Variants in FREM2 observed in about 807,000 individuals in gnomAD.
FREM2 encodes the protein FRAS1 related extracellular matrix 2.
Under a neutral mutation model 219.9 loss-of-function variants are expected in FREM2, and 119 were observed. The ratio of observed to expected loss-of-function variants is 0.54; its 90% CI spans 0.47 to 0.63. The LOEUF (loss-of-function observed/expected upper bound fraction) is 0.63. FREM2 is among the 30% of genes least tolerant of loss of function. The probability of loss-of-function intolerance (pLI) is 0.00; values close to 1 mark genes in which losing one functional copy is unlikely to be tolerated. For synonymous variants in FREM2, 1,562 were observed against 1,522.8 expected (o/e 1.03, Z -0.60); for missense variants, 4,030 against 3,993.6 (o/e 1.01, Z -0.25).
chr13:38,729,456 T>C (rs1693088735), intron 2 of FREM2, among the ~76,000 whole-genome samples: 2 of 152,216 alleles, frequency 1.3e-5, no homozygotes, highest in South Asian at 2.1e-4. Flanking sequence ...ATTATTGCAA[T>C]ATCATTAAGA....
At chr13:38,808,766 G>C (rs1051857678) in intron 6 of FREM2, among the ~76,000 whole-genome samples, 1 of 151,856 alleles carries the variant, frequency 6.6e-6, no homozygotes, top group Non-Finnish European at 1.5e-5. Context: ...ATAATAATAA[G>C]TTTGAAATAT....
At chr13:38,804,472 A>G (rs771271474) in intron 6 of FREM2, among the ~76,000 whole-genome samples, 1 of 152,114 alleles carries the variant, frequency 6.6e-6, no homozygotes, top group Non-Finnish European at 1.5e-5. Flanking sequence ...TTTGCTCTGC[A>G]CATACTAAAT....
chr13:38,875,652 A>G (rs563151825), intron 18 of FREM2, among the ~76,000 whole-genome samples: 179 of 152,368 alleles, frequency 1.2e-3, no homozygotes, highest in Middle Eastern at 3.4e-3. Context: ...TCGTAACTTC[A>G]GTGCACAATA....
intron 3 of FREM2, among the ~76,000 whole-genome samples, chr13:38,767,096 A>C (rs148988457): frequency 4.6e-5 from 7 of 152,326 alleles, no homozygotes; most frequent in Admixed American, 4.6e-4. Flanking sequence ...GATTGGGCAA[A>C]AGGCCCATGC....
rs543243954 is a variant in FREM2 at position 38,709,186 on chromosome 13, C to T, written c.5263+11399C>T. 4.9e-4 allele frequency among the ~76,000 whole-genome samples: 75 copies of T among 152,294 alleles called. 1 individual carries two copies. The South Asian group carries it at 0.015, about 29-fold the overall frequency. Reference sequence around the variant, plus strand: ...CATGCCATGCTACTTCATGCACACTCGCCTTTCCTTTCTTCCTCAATCCCC... The same window carrying T: ...CATGCCATGCTACTTCATGCACACTTGCCTTTCCTTTCTTCCTCAATCCCC... On this transcript the variant is annotated intron_variant, in intron 2 of 23. Transcript: ENST00000280481.
In FREM2 at chr13:38,851,864, A is replaced by G. The variant is rs1877384271; in HGVS notation, c.6921A>G (p.Ser2307=). 1 of 1,613,652 alleles carries G rather than the reference A, an allele frequency of 6.2e-7. No individual in the cohort carries two copies. The highest frequency in any genetic ancestry group is 2.2e-5 in the East Asian group (1 of 44,844). ...ATSGEDYHPV[S]EEIEFKEGET... is the part of the protein sequence containing the mutation. ...CTGGAGAAGACTACCACCCTGTGTCAGAAGGTATGGGGCTCCCAGGGCCTG... is the reference window on the plus strand; with the variant it reads ...CTGGAGAAGACTACCACCCTGTGTCGGAAGGTATGGGGCTCCCAGGGCCTG... Residue 2307 remains serine, a synonymous_variant, in exon 11 of 24, where the codon TCA becomes TCG. Coordinates refer to ENST00000280481, the MANE Select transcript of FREM2 (RefSeq NM_207361.6).
At chr13:38,741,846 A>G (rs1175181948) in intron 2 of FREM2, among the ~76,000 whole-genome samples, 1 of 152,160 alleles carries the variant, frequency 6.6e-6, no homozygotes, top group Non-Finnish European at 1.5e-5. Context: ...CCAAAGTCTA[A>G]GTGTGTAAAT....
At chr13:38,870,438 T>C (rs1393997823) in intron 16 of FREM2, among the ~76,000 whole-genome samples, 1 of 152,230 alleles carries the variant, frequency 6.6e-6, no homozygotes, top group Non-Finnish European at 1.5e-5. Context: ...TGTCTCGGTT[T>C]CTTTAAGATT....
Position 38,692,019 on chromosome 13 carries a change from G to C in FREM2, c.4675G>C (p.Glu1559Gln). 1 of 1,614,220 alleles carries C rather than the reference G, an allele frequency of 6.2e-7. No homozygotes were observed. The highest frequency in any genetic ancestry group is 1.1e-5 in the South Asian group (1 of 91,088). The change falls in exon 1 of 24, where the codon GAA becomes CAA. Residue 1559 changes from glutamate (E) to glutamine (Q), a missense_variant. Glu to Gln is a conservative substitution (Grantham distance 29). Transcript: ENST00000280481. ...KLITPFELTV[E>Q]DRDTPDKLLK... Reference sequence around the variant, plus strand: ...GATTACTCCTTTTGAGCTCACTGTCGAAGACAGAGATACTCCTGACAAGCT... The same window carrying C: ...GATTACTCCTTTTGAGCTCACTGTCCAAGACAGAGATACTCCTGACAAGCT...
intron 2 of FREM2, among the ~76,000 whole-genome samples, chr13:38,714,766 T>TA (rs1354403202): frequency 3.3e-5 from 5 of 152,144 alleles, no homozygotes; most frequent in East Asian, 1.9e-4. Context: ...AGTTTTTAGT[T>TA]AAAAAAACTT....
At chr13:38,726,358 A>G (rs1281447595) in intron 2 of FREM2, among the ~76,000 whole-genome samples, 2 of 152,150 alleles carry the variant, frequency 1.3e-5, no homozygotes, top group Non-Finnish European at 2.9e-5. Flanking sequence ...TGTGCTCTGG[A>G]TCGGATAGTT....
At chr13:38,775,246 G>A (rs1873823950) in intron 4 of FREM2, among the ~76,000 whole-genome samples, 1 of 152,170 alleles carries the variant, frequency 6.6e-6, no homozygotes. Flanking sequence ...GTTGACATAA[G>A]GAGGTCACTG....
chr13:38,688,397 C>T lies in FREM2; in HGVS notation c.1053C>T (p.Pro351=), dbSNP rs137969096. ...TGGCAGCCGAGGATGCTGAGTCTCC[C>T]TCTGACCTGTTGATCTTCAACCTTA... is the stretch of plus-strand genomic sequence containing the variant. ...DMLAAEDAES[P]SDLLIFNLTS... The change falls in exon 1 of 24, where the codon CCC becomes CCT. Residue 351 remains proline, a synonymous_variant. Coordinates refer to ENST00000280481, the MANE Select transcript of FREM2 (RefSeq NM_207361.6). The T allele has an allele frequency of 8.1e-6, 13 of 1,613,874 alleles. No homozygotes were observed. The highest frequency in any genetic ancestry group is 1.0e-5 in the Non-Finnish European group (12 of 1,179,918).
Position 38,687,148 on chromosome 13 carries a change from C to T in FREM2, c.-197C>T. The stretch of plus-strand genomic sequence containing the variant: ...GGAGCTGGACGGCCTGGGAAGGCTT[C>T]GGCTCCTCGGCTGCGGCTCCAGCCC... On this transcript the variant is annotated 5_prime_UTR_variant, in exon 1 of 24. Coordinates refer to ENST00000280481, the MANE Select transcript of FREM2 (RefSeq NM_207361.6). 2 of 689,658 alleles carry T rather than the reference C, an allele frequency of 2.9e-6. No homozygotes were observed. The highest frequency in any genetic ancestry group is 4.8e-6 in the Non-Finnish European group (2 of 412,894). The allele number at this position is 689,658 out of a possible 1,614,324, so 42.7% of individuals were successfully genotyped here.
intron 6 of FREM2, among the ~76,000 whole-genome samples, chr13:38,823,981 G>T (rs1195649147): frequency 1.3e-5 from 2 of 152,110 alleles, no homozygotes; most frequent in African/African-American, 4.8e-5. Context: ...GAGTGTTTTG[G>T]AGAATGAGGC....
chr13:38,805,396 C>T (rs990597736), intron 6 of FREM2, among the ~76,000 whole-genome samples: 1 of 151,428 alleles, frequency 6.6e-6, no homozygotes, highest in Admixed American at 6.6e-5. Context: ...AACTGAGGTA[C>T]CATTATAGGA....
At chr13:38,850,319 C>A in intron 9 of FREM2, 84 bp downstream of exon 9, 1 of 1,105,898 alleles carries the variant, frequency 9.0e-7, no homozygotes, top group Non-Finnish European at 1.4e-6. Context: ...AATACAAGTT[C>A]CTCGATATCA....
At chr13:38,723,811 G>C (rs994737219) in intron 2 of FREM2, among the ~76,000 whole-genome samples, 2 of 152,150 alleles carry the variant, frequency 1.3e-5, no homozygotes, top group African/African-American at 2.4e-5. Context: ...TGCTCCAAGA[G>C]CTTTATGGTT....
chr13:38,829,650 T>C (rs530045355), intron 6 of FREM2, among the ~76,000 whole-genome samples: 38 of 151,930 alleles, frequency 2.5e-4, no homozygotes, highest in Middle Eastern at 3.4e-3. Context: ...ATATCCTTTT[T>C]TTTTTTTTAG....
Sources: allele counts gnomAD v4.1 joint callset (sites outside exome capture counted in the v4.1 genomes callset), GRCh38; gene constraint gnomAD v4.1.1; transcripts MANE v1.5; gene names NCBI Gene and HGNC (gene_info 2026-07-23, HGNC 2026-07-21).